The following SLC27A3 variants were observed in gnomAD, a reference collection of about 807,000 sequenced individuals.
SLC27A3 encodes long-chain fatty acid transport protein 3.
SLC27A3 carries 60 observed loss-of-function variants against 60.1 expected under a neutral mutation model. That is an observed-to-expected ratio of 1.00 (90% confidence interval 0.81 to 1.24). The LOEUF (loss-of-function observed/expected upper bound fraction) is 1.24, where lower values mean the gene tolerates loss of function less well. Among genes scored for constraint, SLC27A3 ranks in the 50% most tolerant of loss-of-function variants. SLC27A3 has a pLI of 0.00. For missense variants in SLC27A3, 1,079 were observed against 929.9 expected, an observed-to-expected ratio of 1.16 and a Z score of -2.09; for synonymous variants, 455 against 409.0, an observed-to-expected ratio of 1.11 and a Z score of -1.36.
At position 153,777,398 on chromosome 1, in the gene SLC27A3, G is replaced by A. The variant is rs1030586535; in HGVS notation, c.1036+178G>A. On this transcript the variant is annotated intron_variant, in intron 3 of 9. Transcript: ENST00000624995. ...TGCCTAGACCTACAGACTGAGGAAC[G>A]GTGAGGGGGGCCATACAGCCACATA... 16 of 748,998 alleles carry A rather than the reference G, an allele frequency of 2.1e-5. 1 individual carries two copies. Among genetic ancestry groups the A allele is most frequent in the African/African-American group, 1.4e-4 (8 of 56,572 alleles). 46.4% of individuals were successfully genotyped at this position (748,998 alleles called of 1,614,324 possible).
At chr1:153,777,036 A>G (rs777671187) in intron 2 of SLC27A3, 26 bp from the exon 3 acceptor site, 2 of 1,612,884 alleles carry the variant, frequency 1.2e-6, no homozygotes, top group Non-Finnish European at 1.7e-6. Flanking sequence ...CCTTCCCCTG[A>G]TCGTCCCATA....
At position 153,779,398 on chromosome 1, in the gene SLC27A3, G is replaced by A; in HGVS notation, c.1800G>A (p.Leu600=). The A allele has an allele frequency of 6.2e-7, 1 of 1,613,966 alleles. No individual in the cohort carries two copies. Among genetic ancestry groups the A allele is most frequent in the East Asian group, 2.2e-5 (1 of 44,862 alleles). The change falls in exon 9 of 10, where the codon TTG becomes TTA. Residue 600 remains leucine, a synonymous_variant. Transcript: ENST00000624995. ...AALVLRPPHA[L]DLMQLYTHVS... ...TAGTTCTGCGTCCCCCCCACGCTTT[G>A]GACCTTATGCAGCTCTACACCCACG... is the stretch of plus-strand genomic sequence containing the variant.
Position 153,775,816 on chromosome 1 carries a change from T to C in SLC27A3, c.319T>C (p.Phe107Leu). ...ERESNRAARA[F>L]LRALGWDWGP... is the part of the protein sequence containing the mutation. ...CGAGAGTAACAGGGCTGCACGCGCC[T>C]TCCTACGTGCGCTAGGCTGGGACTG... Residue 107 changes from phenylalanine (F) to leucine (L), a missense_variant, in exon 1 of 10, where the codon TTC becomes CTC. Phe to Leu is a conservative substitution (Grantham distance 22). Transcript: ENST00000624995. The C allele has an allele frequency of 6.7e-7, 1 of 1,494,696 alleles. No individual in the cohort carries two copies. The highest frequency in any genetic ancestry group is 8.9e-7 in the Non-Finnish European group (1 of 1,126,508). 92.6% of individuals were successfully genotyped at this position (1,494,696 alleles called of 1,614,324 possible).
chr1:153,779,537 G>A (rs546940519), intron 9 of SLC27A3, 64 bp downstream of exon 9: 46 of 1,547,408 alleles, frequency 3.0e-5, no homozygotes, highest in East Asian at 4.5e-5. Context: ...TATCCACCCC[G>A]TGTATCAACT....
intron 3 of SLC27A3, 35 bp downstream of exon 3, chr1:153,777,255 C>T: frequency 6.2e-7 from 1 of 1,611,136 alleles, no homozygotes; most frequent in African/African-American, 1.3e-5. Flanking sequence ...ATTAATTCAT[C>T]CAGTAGACAT....
In SLC27A3 at chr1:153,778,717, G is replaced by A; in HGVS notation, c.1478G>A (p.Ser493Asn). Reference sequence around the variant, plus strand: ...CCAGGGCTGCTGGTGGCCCCGGTAAGCCAGCAGTCCCCATTCCTGGGCTAT... The same window carrying A: ...CCAGGGCTGCTGGTGGCCCCGGTAAACCAGCAGTCCCCATTCCTGGGCTAT... ...GEPGLLVAPV[S>N]QQSPFLGYAG... The change falls in exon 7 of 10, where the codon AGC (serine) becomes AAC (asparagine). Residue 493 changes from serine (S) to asparagine (N), a missense_variant. By Grantham distance (46) the Ser-to-Asn change is conservative. Coordinates refer to ENST00000624995, the MANE Select transcript of SLC27A3 (RefSeq NM_024330.4). 2 of 1,613,310 alleles carry A rather than the reference G, an allele frequency of 1.2e-6. No individual in the cohort carries two copies. The highest frequency in any genetic ancestry group is 1.7e-6 in the Non-Finnish European group (2 of 1,179,996).
Position 153,778,448 on chromosome 1 carries a change from T to C in SLC27A3, c.1357-15T>C, listed in dbSNP as rs754883800. On this transcript the variant is annotated splice_polypyrimidine_tract_variant and intron_variant, in intron 5 of 9. Transcript: ENST00000624995. Reference sequence around the variant, plus strand: ...TGACTGCAATGATCCAGTACCCAGGTCTCCCTTTCCCCAGCATATCTTCCC... The same window carrying C: ...TGACTGCAATGATCCAGTACCCAGGCCTCCCTTTCCCCAGCATATCTTCCC... 2.5e-6 allele frequency: 4 copies of C among 1,613,828 alleles called. No individual in the cohort carries two copies. Among genetic ancestry groups the C allele is most frequent in the Non-Finnish European group, 3.4e-6 (4 of 1,179,758 alleles).
Position 153,777,144 on chromosome 1 carries a change from A to G in SLC27A3, c.960A>G (p.Glu320=). 6.2e-7 allele frequency: 1 copy of G among 1,614,258 alleles called. No individual in the cohort carries two copies. The highest frequency in any genetic ancestry group is 1.1e-5 in the South Asian group (1 of 91,088). Reference sequence around the variant, plus strand: ...ATCAGCTGTGTGGTGTCCACCAGGAAGATGTGATCTACCTCGCCCTCCCAC... The same window carrying G: ...ATCAGCTGTGTGGTGTCCACCAGGAGGATGTGATCTACCTCGCCCTCCCAC... ...GFYQLCGVHQ[E]DVIYLALPLY... The change falls in exon 3 of 10, where the codon GAA becomes GAG. Residue 320 remains glutamate, a synonymous_variant. Transcript: ENST00000624995.
chr1:153,778,300 C>T lies in SLC27A3; in HGVS notation c.1301C>T (p.Thr434Ile). The T allele has an allele frequency of 1.2e-6, 2 of 1,614,190 alleles. No homozygotes were observed. Among genetic ancestry groups the T allele is most frequent in the Non-Finnish European group, 1.7e-6 (2 of 1,180,024 alleles). The change falls in exon 5 of 10, where the codon ACC becomes ATC. Residue 434 changes from threonine (T) to isoleucine (I), a missense_variant. Transcript: ENST00000624995. ...GGACTGACAGAGGGCAACGTGGCCA[C>T]CATCAACTACACAGGACAGCGGGGC... ...TYGLTEGNVA[T>I]INYTGQRGAV...
rs766334578 is a variant in SLC27A3 at position 153,779,453 on chromosome 1, C to G, written c.1855C>G (p.Pro619Ala). Residue 619 changes from proline (P) to alanine (A), a missense_variant, in exon 9 of 10, where the codon CCC (proline) becomes GCC (alanine). By Grantham distance (27) the Pro-to-Ala change is conservative. Transcript: ENST00000624995. ...VSENLPPYAR[P>A]RFLRLQESLA... ...TGAGAACTTGCCACCTTATGCCCGG[C>G]CCCGATTCCTCAGGCTCCAGGTAAC... 5.0e-6 allele frequency: 8 copies of G among 1,613,574 alleles called. No homozygotes were observed. The highest frequency in any genetic ancestry group is 6.8e-6 in the Non-Finnish European group (8 of 1,179,936).
Position 153,776,561 on chromosome 1 carries a change from C to T in SLC27A3, c.711C>T (p.Ala237=), listed in dbSNP as rs142250710. ...AGCCGGACCTGCCCGCCCTGAGAGC[C>T]ATGGGGCTCCACCTGTGGGCTGCAG... ...SLEPDLPALR[A]MGLHLWAAGP... is the part of the protein sequence containing the mutation. The change falls in exon 2 of 10, where the codon GCC becomes GCT. Residue 237 remains alanine, a synonymous_variant. Transcript: ENST00000624995. 2 of 1,614,072 alleles carry T rather than the reference C, an allele frequency of 1.2e-6. No homozygotes were observed. Among genetic ancestry groups the T allele is most frequent in the African/African-American group, 2.7e-5 (2 of 74,924 alleles).
Position 153,778,673 on chromosome 1 carries a change from G to A in SLC27A3, c.1448-14G>A, listed in dbSNP as rs747459951. The A allele has an allele frequency of 5.0e-6, 8 of 1,612,470 alleles. No homozygotes were observed. The highest frequency in any genetic ancestry group is 1.7e-5 in the Admixed American group (1 of 60,000). On this transcript the variant is annotated splice_polypyrimidine_tract_variant and intron_variant, in intron 6 of 9. Transcript: ENST00000624995. ...GAAAGGTGACACCACTCCTGACCCT[G>A]GTGACTCTGCCAGGTGAGCCAGGGC...
chr1:153,778,015 C>A, intron 4 of SLC27A3, 130 bp downstream of exon 4: 1 of 1,483,372 alleles, frequency 6.7e-7, no homozygotes, highest in Non-Finnish European at 9.1e-7. Flanking sequence ...AGATAAGGAG[C>A]CAGAGATGGC....
intron 1 of SLC27A3, 97 bp downstream of exon 1, chr1:153,776,261 G>C: frequency 7.1e-7 from 1 of 1,416,556 alleles, no homozygotes; most frequent in Non-Finnish European, 9.2e-7. Flanking sequence ...CTGGGCCTGG[G>C]AAGAAGCCGA....
Position 153,775,828 on chromosome 1 carries a change from C to G in SLC27A3, c.331C>G (p.Leu111Val). The G allele has an allele frequency of 6.7e-7, 1 of 1,497,562 alleles. No homozygotes were observed. The highest frequency in any genetic ancestry group is 8.9e-7 in the Non-Finnish European group (1 of 1,127,894). 92.8% of individuals were successfully genotyped at this position (1,497,562 alleles called of 1,614,324 possible). A position where few individuals can be genotyped will look rare whatever the true frequency, so the allele number is the denominator to read the frequency against. ...NRAARAFLRA[L>V]GWDWGPDGGD... The stretch of plus-strand genomic sequence containing the variant: ...GGCTGCACGCGCCTTCCTACGTGCG[C>G]TAGGCTGGGACTGGGGACCCGACGG... Residue 111 changes from leucine to valine, a missense_variant, in exon 1 of 10, where the codon CTA becomes GTA. By Grantham distance (32) the Leu-to-Val change is conservative. Transcript: ENST00000624995.
chr1:153,780,144 G>A lies in SLC27A3; in HGVS notation c.*142G>A, dbSNP rs1673467283. 2 of 713,002 alleles carry A rather than the reference G, an allele frequency of 2.8e-6. No homozygotes were observed. Among genetic ancestry groups the A allele is most frequent in the South Asian group, 1.9e-5 (1 of 52,212 alleles). 44.2% of individuals were successfully genotyped at this position (713,002 alleles called of 1,614,324 possible). A position where few individuals can be genotyped will look rare whatever the true frequency, so the allele number is the denominator to read the frequency against. On this transcript the variant is annotated 3_prime_UTR_variant, in exon 10 of 10. Transcript: ENST00000624995. ...AAATGTGGCTGGAGCTGATCCAGCT[G>A]TCTCTGACCTACAGTATCTGTCATT... is the stretch of plus-strand genomic sequence containing the variant.
At chr1:153,776,381 C>A in intron 1 of SLC27A3, 137 bp from the exon 2 acceptor site, 1 of 1,301,006 alleles carries the variant, frequency 7.7e-7, no homozygotes, top group Non-Finnish European at 1.0e-6. Context: ...AGTTCCAGGC[C>A]TCAGACCCAA....
chr1:153,778,893 T>C lies in SLC27A3; in HGVS notation c.1646+8T>C. Reference sequence around the variant, plus strand: ...TACTGGAGACACCTTCAGGTATCTGTCCATAACTGGTTTTTCATCCTGGAC... The same window carrying C: ...TACTGGAGACACCTTCAGGTATCTGCCCATAACTGGTTTTTCATCCTGGAC... On this transcript the variant is annotated splice_region_variant and intron_variant, in intron 7 of 9. Transcript: ENST00000624995. The C allele has an allele frequency of 6.2e-7, 1 of 1,613,624 alleles. No individual in the cohort carries two copies. Among genetic ancestry groups the C allele is most frequent in the Non-Finnish European group, 8.5e-7 (1 of 1,179,552 alleles).
chr1:153,779,030 C>T (rs1673385479), intron 7 of SLC27A3, 84 bp from the exon 8 acceptor site: 5 of 1,488,284 alleles, frequency 3.4e-6, no homozygotes, highest in Non-Finnish European at 4.7e-6. Context: ...ATCCCTGTGA[C>T]ACTGACCTCT....
Sources: allele counts gnomAD v4.1 joint callset, GRCh38; gene constraint gnomAD v4.1.1; transcripts MANE v1.5; gene names NCBI Gene and HGNC (gene_info 2026-07-23, HGNC 2026-07-21).